Variants in SCN4A observed in about 807,000 individuals in gnomAD.
SCN4A encodes the protein sodium channel protein type 4 subunit alpha.
In SCN4A, 83 loss-of-function variants were observed where a neutral mutation model predicts 162.0. The observed-to-expected ratio is 0.51, with a 90% CI of 0.43 to 0.61. SCN4A has a LOEUF of 0.61. Ranked by LOEUF, SCN4A falls within the 20% of genes least tolerant of loss-of-function variation. The pLI, the probability that SCN4A is intolerant of heterozygous loss-of-function variation, is 0.00. For synonymous variants in SCN4A, 944 were observed against 985.1 expected, an observed-to-expected ratio of 0.96 and a Z score of 0.78; for missense variants, 2,196 against 2,462.5, an observed-to-expected ratio of 0.89 and a Z score of 2.29.
Position 63,961,186 on chromosome 17 carries a change from T to G in SCN4A, c.1845+7A>C, listed in dbSNP as rs141021600. On this transcript the variant is annotated splice_region_variant and intron_variant, in intron 11 of 23. Transcript: ENST00000435607. ...CATGAATGATCCCCTCCCCCGCCCC[T>G]CCCTACCAGGTTGCCCACAGTGAGC... The G allele has an allele frequency of 9.9e-4, 418 of 420,586 alleles. 4 individuals are homozygous for G. In the East Asian group the frequency reaches 0.022, roughly 22 times the overall value. The allele number at this position is 420,586 out of a possible 1,614,324, so 26.1% of individuals were successfully genotyped here. A position where few individuals can be genotyped will look rare whatever the true frequency, so the allele number is the denominator to read the frequency against.
chr17:63,943,947 C>G (rs904934665), intron 21 of SCN4A, 97 bp from the exon 22 acceptor site: 2 of 731,906 alleles, frequency 2.7e-6, no homozygotes, highest in African/African-American at 3.5e-5. Context: ...TTTAAGGCAG[C>G]CCCCGCCCCT....
chr17:63,957,338 C>A lies in SCN4A; in HGVS notation c.2200G>T (p.Ala734Ser), dbSNP rs199651516. The A allele has an allele frequency of 4.3e-5, 70 of 1,614,118 alleles. No individual in the cohort carries two copies. The African/African-American group carries it at 9.2e-4, about 21-fold the overall frequency. ...CAGCGCGGCAGGTTGCAGTCCAAGG[C>A]AATCTTGCACACGCACTCCTTGTAG... ...KSYKECVCKIALDCNLPRWHM... is the reference protein window; with the variant it reads ...KSYKECVCKISLDCNLPRWHM... The change falls in exon 13 of 24, where the codon GCC becomes TCC. Residue 734 changes from alanine to serine, a missense_variant. Transcript: ENST00000435607.
chr17:63,952,692 C>T lies in SCN4A; in HGVS notation c.2377-792G>A, dbSNP rs1226390410. 2.0e-5 allele frequency among the ~76,000 whole-genome samples: 3 copies of T among 152,028 alleles called. No homozygotes were observed. In the South Asian group the frequency reaches 6.2e-4, roughly 32 times the overall value. On this transcript the variant is annotated intron_variant, in intron 13 of 23. Transcript: ENST00000435607. ...TCTTTTCTCCTCTTGGGGTTTCCGA[C>T]TCCATCTATTCTGGTTCTTGTCCCA...
chr17:63,959,492 G>A, intron 11 of SCN4A, 54 bp from the exon 12 acceptor site: 1 of 1,554,752 alleles, frequency 6.4e-7, no homozygotes, highest in South Asian at 1.2e-5. Flanking sequence ...CAGGGCCCTG[G>A]AAGTCTCCCA....
At chr17:63,943,230 G>T in intron 22 of SCN4A, 134 bp from the exon 23 acceptor site, 1 of 990,782 alleles carries the variant, frequency 1.0e-6, no homozygotes, top group Non-Finnish European at 1.5e-6. Context: ...GAGAGAGAGA[G>T]AGAGAGAAAG....
chr17:63,954,122 C>T (rs1909000201), intron 13 of SCN4A, among the ~76,000 whole-genome samples: 1 of 152,202 alleles, frequency 6.6e-6, no homozygotes. Context: ...CCACCCTTGG[C>T]CGTCTCCTCG....
chr17:63,945,706 C>A lies in SCN4A; in HGVS notation c.3442-68G>T, dbSNP rs1908695532. On this transcript the variant is annotated intron_variant, in intron 18 of 23. Transcript: ENST00000435607. The surrounding 1 kb of genome is among the most constrained non-coding windows in gnomAD (Gnocchi z 4.4). Reference sequence around the variant, plus strand: ...TGAGAGAGGGCTCCACATCTCTACGCCACCCAGGGGACCAGGCAGAGCTGG... The same window carrying A: ...TGAGAGAGGGCTCCACATCTCTACGACACCCAGGGGACCAGGCAGAGCTGG... 2 of 1,553,388 alleles carry A rather than the reference C, an allele frequency of 1.3e-6. No individual in the cohort carries two copies. The highest frequency in any genetic ancestry group is 1.8e-6 in the Non-Finnish European group (2 of 1,130,084).
chr17:63,947,012 C>T (rs1277046912), intron 18 of SCN4A, 33 bp downstream of exon 18: 1 of 1,472,808 alleles, frequency 6.8e-7, no homozygotes, highest in Admixed American at 1.8e-5. Context: ...TCCCCCATCC[C>T]CAGCCCACCC....
intron 5 of SCN4A, 89 bp from the exon 6 acceptor site, chr17:63,968,444 A>G: frequency 9.4e-7 from 1 of 1,060,546 alleles, no homozygotes; most frequent in Non-Finnish European, 1.4e-6. Context: ...GCTTTTTCCT[A>G]CTCCATCTTC....
chr17:63,961,110 T>C (rs1909234786), intron 11 of SCN4A, 83 bp downstream of exon 11: 1 of 773,686 alleles, frequency 1.3e-6, no homozygotes, highest in Non-Finnish European at 2.0e-6. Context: ...GTGCCCTATA[T>C]TTACATACAG....
chr17:63,971,518 C>A (rs1452366894), intron 4 of SCN4A, among the ~76,000 whole-genome samples: 1 of 152,102 alleles, frequency 6.6e-6, no homozygotes, highest in Non-Finnish European at 1.5e-5. Context: ...TGGGTCAGGG[C>A]TGCCTCATGT....
intron 17 of SCN4A, 57 bp downstream of exon 17, chr17:63,947,832 TC>T: frequency 6.4e-7 from 1 of 1,562,762 alleles, no homozygotes; most frequent in Non-Finnish European, 8.7e-7. Flanking sequence ...CTTCCTGAGG[TC>T]CCCGCCACAC....
In SCN4A at chr17:63,955,771, G is replaced by A. The variant is rs563318957; in HGVS notation, c.2376+1391C>T. Among the ~76,000 whole-genome samples the A allele has an allele frequency of 2.1e-3, 323 of 152,236 alleles. 1 individual carries two copies. The highest frequency in any genetic ancestry group is 3.8e-3 in the Non-Finnish European group (260 of 68,020). On this transcript the variant is annotated intron_variant, in intron 13 of 23. Transcript: ENST00000435607. The stretch of plus-strand genomic sequence containing the variant: ...CCTAAGACCCTCCTTTCAGGGACAG[G>A]AGGCCTGGGTTCTCCTCTGTAGCTG...
chr17:63,961,498 G>A, intron 10 of SCN4A, 67 bp from the exon 11 acceptor site: 1 of 1,199,902 alleles, frequency 8.3e-7, no homozygotes, highest in Non-Finnish European at 1.2e-6. Flanking sequence ...GCTCCAGCTA[G>A]AGCTTTTGTT....
Position 63,972,614 on chromosome 17 carries a change from G to A in SCN4A, c.228C>T (p.Ile76=), listed in dbSNP as rs1189122757. The change falls in exon 1 of 24, where the codon ATC becomes ATT. Residue 76 remains isoleucine, a synonymous_variant. Transcript: ENST00000435607. The surrounding 1 kb of genome is among the most constrained non-coding windows in gnomAD (Gnocchi z 4.3). ...GATCCAGGTCCTCCAGGGGGATGCC[G>A]ATGACCTCCGGCGGGGGGTCTCCGT... ...MIYGDPPPEV[I]GIPLEDLDPY... is the part of the protein sequence containing the mutation. 18 of 1,604,910 alleles carry A rather than the reference G, an allele frequency of 1.1e-5. No individual in the cohort carries two copies. The East Asian group carries it at 3.6e-4, about 32-fold the overall frequency.
chr17:63,942,773 T>C (rs1908583298), intron 23 of SCN4A, 53 bp downstream of exon 23: 1 of 1,563,310 alleles, frequency 6.4e-7, no homozygotes. Context: ...GGATGGGTCT[T>C]CCCGAGTGCC....
At position 63,947,995 on chromosome 17, in the gene SCN4A, G is replaced by T; in HGVS notation, c.3213C>A (p.Val1071=). ...IRTILEYADK[V]FTYIFIMEML... ...TCTCCATGATGAAGATGTAGGTGAA[G>T]ACCTTGTCGGCATATTCTAGGATGG... Residue 1071 remains valine (V), a synonymous_variant, in exon 17 of 24, where the codon GTC becomes GTA. Coordinates refer to ENST00000435607, the MANE Select transcript of SCN4A (RefSeq NM_000334.4). 6.2e-7 allele frequency: 1 copy of T among 1,613,934 alleles called. No homozygotes were observed. The highest frequency in any genetic ancestry group is 8.5e-7 in the Non-Finnish European group (1 of 1,179,824).
chr17:63,963,211 G>A (rs1428140652), intron 10 of SCN4A, among the ~76,000 whole-genome samples: 1 of 152,180 alleles, frequency 6.6e-6, no homozygotes, highest in Non-Finnish European at 1.5e-5. Flanking sequence ...GGATTGGGGA[G>A]TCTGTCACTC....
At position 63,972,188 on chromosome 17, in the gene SCN4A, T is replaced by C; in HGVS notation, c.430A>G (p.Asn144Asp). The change falls in exon 3 of 24, where the codon AAC (asparagine) becomes GAC (aspartate). Residue 144 changes from asparagine (N) to aspartate (D), a missense_variant. Physicochemically the swap from Asn to Asp is conservative, Grantham distance 23 (BLOSUM62 1). Transcript: ENST00000435607. This position sits in a 1 kb window ranked among gnomAD's most constrained non-coding sequence, Gnocchi z 4.3. ...SMFIMITILT[N>D]CVFMTMSDPP... The stretch of plus-strand genomic sequence containing the variant: ...TCACTCATGGTCATGAATACGCAGT[T>C]GGTCAAGATGGTGATCATGATGAAC... 6.2e-7 allele frequency: 1 copy of C among 1,613,612 alleles called. No homozygotes were observed. The highest frequency in any genetic ancestry group is 8.5e-7 in the Non-Finnish European group (1 of 1,179,774).
Sources: allele counts gnomAD v4.1 joint callset (sites outside exome capture counted in the v4.1 genomes callset), GRCh38; gene constraint gnomAD v4.1.1; non-coding constraint Gnocchi (gnomAD v3.1); transcripts MANE v1.5; gene names NCBI Gene and HGNC (gene_info 2026-07-23, HGNC 2026-07-21).